PCDHGB6: variants seen among roughly 807,000 people sequenced by gnomAD.
PCDHGB6 encodes the protein protocadherin gamma subfamily B, 6, also known as protocadherin gamma-B6.
Under a neutral mutation model 59.1 loss-of-function variants are expected in PCDHGB6, and 51 were observed. That is an observed-to-expected ratio of 0.86 (90% CI 0.69 to 1.09). The LOEUF is 1.09. PCDHGB6 is among the 50% of genes least tolerant of loss of function. The pLI, the probability that PCDHGB6 is intolerant of heterozygous loss-of-function variation, is 0.00. For missense variants in PCDHGB6, 1,148 were observed against 1,205.1 expected (o/e 0.95, Z 0.70); for synonymous variants, 466 against 495.1 (o/e 0.94, Z 0.78).
intron 1 of PCDHGB6, chr5:141,422,056 G>A: frequency 8.7e-6 from 14 of 1,611,934 alleles, no homozygotes; most frequent in Non-Finnish European, 1.2e-5. Flanking sequence ...AATCAACGGG[G>A]AAGTAATGTA....
chr5:141,415,078 G>C, intron 1 of PCDHGB6: 1 of 1,613,494 alleles, frequency 6.2e-7, no homozygotes, highest in Non-Finnish European at 8.5e-7. Context: ...CACGGCGCGA[G>C]CCCTGCTGGA....
intron 1 of PCDHGB6, chr5:141,411,324 C>T (rs1171274674): frequency 1.3e-5 from 2 of 152,166 alleles, no homozygotes; most frequent in Admixed American, 6.5e-5. Context: ...AATCACAGCA[C>T]TTTGATAGGC....
At chr5:141,422,009 G>C (rs1483710075) in intron 1 of PCDHGB6, 1 of 1,609,752 alleles carries the variant, frequency 6.2e-7, no homozygotes, top group Non-Finnish European at 8.5e-7. Flanking sequence ...TCCGGAACTC[G>C]GGTGCTGATG....
Position 141,505,441 on chromosome 5 carries a change from C to A in PCDHGB6, c.2526C>A (p.Asp842Glu), listed in dbSNP as rs2099846055. 6.2e-7 allele frequency: 1 copy of A among 1,614,084 alleles called. No individual in the cohort carries two copies. Among genetic ancestry groups the A allele is most frequent in the Non-Finnish European group, 8.5e-7 (1 of 1,180,024 alleles). Reference sequence around the variant, plus strand: ...GCACCTGGCCCAACAACCAGTTTGACACAGAGATGCTGCAAGCCATGATCT... The same window carrying A: ...GCACCTGGCCCAACAACCAGTTTGAAACAGAGATGCTGCAAGCCATGATCT... ...DTGTWPNNQFDTEMLQAMILA... is the reference protein window; with the variant it reads ...DTGTWPNNQFETEMLQAMILA... Residue 842 changes from aspartate to glutamate, a missense_variant, in exon 3 of 4, where the codon GAC becomes GAA. Transcript: ENST00000520790.
Position 141,486,902 on chromosome 5 carries a change from C to T in PCDHGB6, c.2419-7905C>T, listed in dbSNP as rs2099636761. On this transcript the variant is annotated intron_variant, in intron 1 of 3. Transcript: ENST00000520790. This position sits in a 1 kb window ranked among gnomAD's most constrained non-coding sequence, Gnocchi z 5.0. ...TCGGGCCCGGCCTGGTTCCTTATGT[C>T]CCCAAGCACTGCCTCCATCAGTTGG... 1 of 1,614,226 alleles carries T rather than the reference C, an allele frequency of 6.2e-7. No individual in the cohort carries two copies. The highest frequency in any genetic ancestry group is 8.5e-7 in the Non-Finnish European group (1 of 1,180,044).
rs144789830 is a variant in PCDHGB6 at position 141,503,198 on chromosome 5, C to T, written c.2478-2195C>T. Among the ~76,000 whole-genome samples the T allele has an allele frequency of 3.7e-3, 561 of 152,172 alleles. 5 individuals carry two copies. Among genetic ancestry groups the T allele is most frequent in the Admixed American group, 0.011 (164 of 15,268 alleles). ...TATTGTGTAATTATTTAAAATCAGC[C>T]TCTCAGTGCCCACCATGAGCACCGT... On this transcript the variant is annotated intron_variant, in intron 2 of 3. Coordinates refer to ENST00000520790, the MANE Select transcript of PCDHGB6 (RefSeq NM_018926.3).
chr5:141,494,586 G>A (rs770159202), intron 1 of PCDHGB6, among the ~76,000 whole-genome samples: 1 of 152,112 alleles, frequency 6.6e-6, no homozygotes, highest in Non-Finnish European at 1.5e-5. Context: ...GCTCACTGTG[G>A]TCAGATGAAA....
At chr5:141,443,467 C>T (rs2098389901) in intron 1 of PCDHGB6, among the ~76,000 whole-genome samples, 2 of 152,156 alleles carry the variant, frequency 1.3e-5, no homozygotes, top group African/African-American at 4.8e-5. Context: ...GTCTGGGTGA[C>T]AGAATTAGAC....
chr5:141,408,918 C>T lies in PCDHGB6; in HGVS notation c.716C>T (p.Pro239Leu). The change falls in exon 1 of 4, where the codon CCC becomes CTC. Residue 239 changes from proline (P) to leucine (L), a missense_variant. Physicochemically the swap from Pro to Leu is moderately conservative, Grantham distance 98. Coordinates refer to ENST00000520790, the MANE Select transcript of PCDHGB6 (RefSeq NM_018926.3). The part of the protein sequence containing the change: ...EISVKDTNDN[P>L]PVFSRDEYRI... ...TCTGTCAAGGATACCAATGATAACC[C>T]CCCGGTTTTCAGCAGAGACGAATAT... 1 of 1,613,408 alleles carries T rather than the reference C, an allele frequency of 6.2e-7. No individual in the cohort carries two copies.
rs2099412065 is a variant in PCDHGB6, at chr5:141,477,502, C to T, written c.2419-17305C>T. On this transcript the variant is annotated intron_variant, in intron 1 of 3. Coordinates refer to ENST00000520790, the MANE Select transcript of PCDHGB6 (RefSeq NM_018926.3). This position sits in a 1 kb window ranked among gnomAD's most constrained non-coding sequence, Gnocchi z 4.9. ...CTCCACAATCTTCTCAATCTTCCTACGACGTTTACATTGAAGAAAACAACC... is the reference window on the plus strand; with the variant it reads ...CTCCACAATCTTCTCAATCTTCCTATGACGTTTACATTGAAGAAAACAACC... 2 of 1,614,144 alleles carry T rather than the reference C, an allele frequency of 1.2e-6. No homozygotes were observed. Among genetic ancestry groups the T allele is most frequent in the Non-Finnish European group, 1.7e-6 (2 of 1,180,018 alleles).
Position 141,428,162 on chromosome 5 carries a change from G to A in PCDHGB6, c.2418+17542G>A, listed in dbSNP as rs75153946. The A allele has an allele frequency of 9.5e-4, 1,493 of 1,569,102 alleles. 9 individuals are homozygous for A. The African/African-American group carries it at 0.016, about 16-fold the overall frequency. On this transcript the variant is annotated intron_variant, in intron 1 of 3. Coordinates refer to ENST00000520790, the MANE Select transcript of PCDHGB6 (RefSeq NM_018926.3). ...GGCTGCACACGGGAACCTGCTGGTT[G>A]CTGTGCGTGACGGAGGACAGCCGCC...
At chr5:141,419,792 G>T (rs1379811891) in intron 1 of PCDHGB6, 15 of 1,613,924 alleles carry the variant, frequency 9.3e-6, no homozygotes, top group African/African-American at 2.7e-5. Flanking sequence ...CCTGCTAGTC[G>T]CTGTAAGAGA....
intron 1 of PCDHGB6, chr5:141,422,047 A>G: frequency 6.2e-7 from 1 of 1,611,610 alleles, no homozygotes; most frequent in Non-Finnish European, 8.5e-7. Context: ...AGACGAGGGA[A>G]TCAACGGGGA....
At chr5:141,434,462 C>T (rs2097695951) in intron 1 of PCDHGB6, among the ~76,000 whole-genome samples, 1 of 152,156 alleles carries the variant, frequency 6.6e-6, no homozygotes, top group Non-Finnish European at 1.5e-5. Flanking sequence ...GTGGGTTTAC[C>T]GGAATGAGGG....
chr5:141,423,415 G>GA (rs750028507), intron 1 of PCDHGB6: 3 of 1,614,134 alleles, frequency 1.9e-6, no homozygotes, highest in Non-Finnish European at 2.5e-6. Context: ...GCAGGCTTCT[G>GA]AAGGCGGGTT....
Position 141,486,829 on chromosome 5 carries a change from T to A in PCDHGB6, c.2419-7978T>A. 1 of 1,614,178 alleles carries A rather than the reference T, an allele frequency of 6.2e-7. No individual in the cohort carries two copies. On this transcript the variant is annotated intron_variant, in intron 1 of 3. Coordinates refer to ENST00000520790, the MANE Select transcript of PCDHGB6 (RefSeq NM_018926.3). The surrounding 1 kb of genome is among the most constrained non-coding windows in gnomAD (Gnocchi z 5.0). ...CCCTTAGCAGCACTGTAACAGTTCG[T>A]CTATTTGTGCTGGACCTCAATGACA...
Position 141,511,409 on chromosome 5 carries a change from G to C in PCDHGB6, c.*236G>C, listed in dbSNP as rs999907393. On this transcript the variant is annotated 3_prime_UTR_variant, in exon 4 of 4. Coordinates refer to ENST00000520790, the MANE Select transcript of PCDHGB6 (RefSeq NM_018926.3). Reference sequence around the variant, plus strand: ...GGGAACCCCCATCCAATCAACTGCTGTACCCATGGGGGTAGTGGGGTTACT... The same window carrying C: ...GGGAACCCCCATCCAATCAACTGCTCTACCCATGGGGGTAGTGGGGTTACT... The C allele has an allele frequency of 1.1e-6, 1 of 908,516 alleles. No homozygotes were observed. The highest frequency in any genetic ancestry group is 1.7e-5 in the African/African-American group (1 of 59,504). The allele number at this position is 908,516 out of a possible 1,614,324, so 56.3% of individuals were successfully genotyped here.
At chr5:141,466,180 A>AT (rs922532578) in intron 1 of PCDHGB6, among the ~76,000 whole-genome samples, 11 of 151,256 alleles carry the variant, frequency 7.3e-5, no homozygotes, top group South Asian at 2.1e-4. Context: ...TTTTATTTTT[A>AT]TTTTTTTTCA....
rs1360494290 is a variant in PCDHGB6 at position 141,433,285 on chromosome 5, C to T, written c.2418+22665C>T. On this transcript the variant is annotated intron_variant, in intron 1 of 3. Coordinates refer to ENST00000520790, the MANE Select transcript of PCDHGB6 (RefSeq NM_018926.3). ...CATAGCTCACTGCAGCCTCAAACTCCTAGGCTCAAGCAATTATCCCACCTT... is the reference window on the plus strand; with the variant it reads ...CATAGCTCACTGCAGCCTCAAACTCTTAGGCTCAAGCAATTATCCCACCTT... The T allele has an allele frequency of 6.8e-6, 8 of 1,169,708 alleles. No individual in the cohort carries two copies. In the East Asian group the frequency reaches 1.7e-4, roughly 25 times the overall value. The allele number at this position is 1,169,708 out of a possible 1,614,324, so 72.5% of individuals were successfully genotyped here. A position where few individuals can be genotyped will look rare whatever the true frequency, so the allele number is the denominator to read the frequency against.
Sources: gnomAD v4.1 joint callset for allele counts (sites outside exome capture counted in the v4.1 genomes callset) on GRCh38, gnomAD v4.1.1 for gene constraint, Gnocchi (gnomAD v3.1) non-coding constraint, MANE v1.5 for transcripts, NCBI Gene and HGNC (gene_info 2026-07-23, HGNC 2026-07-21) for gene names.